HSD17B12: variants seen among roughly 807,000 people sequenced by gnomAD.
HSD17B12 encodes very-long-chain 3-oxoacyl-CoA reductase.
Under a neutral mutation model 39.3 loss-of-function variants are expected in HSD17B12, and 32 were observed. That is an observed-to-expected ratio of 0.81 (90% CI 0.61 to 1.09). The LOEUF (loss-of-function observed/expected upper bound fraction) is 1.09. HSD17B12 is among the 50% of genes least tolerant of loss of function. The pLI is 0.00. For missense variants in HSD17B12, 342 were observed against 382.9 expected (o/e 0.89, Z 0.89); for synonymous variants, 150 against 146.7 (o/e 1.02, Z -0.16).
chr11:43,608,092 G>A, the HSD17B12 span, among the ~76,000 whole-genome samples: 2 of 152,176 alleles, frequency 1.3e-5, no homozygotes, highest in African/African-American at 4.8e-5. Context: ...AATAAGGCCA[G>A]GTGCGGTGGC....
chr11:43,569,765 A>G, the HSD17B12 span: 1 of 152,658 alleles, frequency 6.6e-6, no homozygotes, highest in Non-Finnish European at 1.5e-5. Context: ...TGCTTGTTGT[A>G]GGAGCGTCAA....
chr11:43,598,491 T>C, the HSD17B12 span, among the ~76,000 whole-genome samples: 1 of 152,118 alleles, frequency 6.6e-6, no homozygotes, highest in Non-Finnish European at 1.5e-5. Context: ...TATGTGCCCA[T>C]AGGAAAGTAT....
chr11:43,751,248 G>A (rs1950462458), intron 2 of HSD17B12, among the ~76,000 whole-genome samples: 1 of 152,138 alleles, frequency 6.6e-6, no homozygotes, highest in South Asian at 2.1e-4. Flanking sequence ...AGTGTGTACA[G>A]TCTTCAGATT....
the HSD17B12 span, among the ~76,000 whole-genome samples, chr11:43,654,230 T>A: frequency 1.3e-5 from 2 of 152,236 alleles, no homozygotes; most frequent in African/African-American, 4.8e-5. Flanking sequence ...TCGGCCACTT[T>A]TTGATGGGGT....
the HSD17B12 span, among the ~76,000 whole-genome samples, chr11:43,599,159 C>T: frequency 3.9e-5 from 6 of 152,250 alleles, no homozygotes; most frequent in African/African-American, 1.2e-4. Flanking sequence ...GTTTCTGGAA[C>T]GATGTTCACC....
At chr11:43,704,479 TCTC>T (rs1166006713) in intron 1 of HSD17B12, among the ~76,000 whole-genome samples, 1 of 152,198 alleles carries the variant, frequency 6.6e-6, no homozygotes, top group Non-Finnish European at 1.5e-5. Flanking sequence ...TTCCACATGG[TCTC>T]CTCAGTACAG....
chr11:43,620,710 AG>A, the HSD17B12 span, among the ~76,000 whole-genome samples: 910 of 152,352 alleles, frequency 6.0e-3, 7 homozygotes, highest in African/African-American at 0.021. Context: ...TAAATCAGGC[AG>A]GATGGATGAC....
chr11:43,566,017 C>T, the HSD17B12 span, among the ~76,000 whole-genome samples: 1 of 129,556 alleles, frequency 7.7e-6, no homozygotes, highest in African/African-American at 2.8e-5. Flanking sequence ...CAGCCAGGGC[C>T]CAAAGAGGGG....
intron 3 of HSD17B12, among the ~76,000 whole-genome samples, chr11:43,789,788 T>C (rs1345544295): frequency 6.6e-6 from 1 of 152,042 alleles, no homozygotes; most frequent in South Asian, 2.1e-4. Context: ...CAAAATTAGA[T>C]GGGCATGGTG....
intron 9 of HSD17B12, among the ~76,000 whole-genome samples, chr11:43,844,641 C>T (rs565294942): frequency 1.3e-4 from 20 of 152,134 alleles, no homozygotes; most frequent in African/African-American, 4.3e-4. Context: ...TGGGCCCTAG[C>T]CCTGGGCTCC....
the HSD17B12 span, among the ~76,000 whole-genome samples, chr11:43,572,569 GT>G: frequency 6.6e-6 from 1 of 152,286 alleles, no homozygotes; most frequent in East Asian, 1.9e-4. Flanking sequence ...TAGACAAGCT[GT>G]TTAAACGTTA....
the HSD17B12 span, among the ~76,000 whole-genome samples, chr11:43,642,996 C>A: frequency 6.6e-6 from 1 of 152,076 alleles, no homozygotes; most frequent in Admixed American, 6.5e-5. Flanking sequence ...TAGGTTTTTG[C>A]ATGTGTATTA....
intron 1 of HSD17B12, among the ~76,000 whole-genome samples, chr11:43,686,250 C>T (rs1014220686): frequency 6.6e-6 from 1 of 152,132 alleles, no homozygotes; most frequent in African/African-American, 2.4e-5. Flanking sequence ...TTATGTTTTT[C>T]GCAGAGGCAG....
At chr11:43,621,188 A>T in the HSD17B12 span, among the ~76,000 whole-genome samples, 1 of 152,194 alleles carries the variant, frequency 6.6e-6, no homozygotes, top group Non-Finnish European at 1.5e-5. Context: ...AGCAACTGAC[A>T]TGCTTTTTCC....
the HSD17B12 span, among the ~76,000 whole-genome samples, chr11:43,648,920 C>T: frequency 4.6e-5 from 7 of 152,090 alleles, no homozygotes; most frequent in East Asian, 1.3e-3. Context: ...TTAGTAGATA[C>T]GGGGTTTCGC....
chr11:43,830,749 G>C (rs1386564752), intron 6 of HSD17B12: 1 of 338,144 alleles, frequency 3.0e-6, no homozygotes, highest in East Asian at 5.0e-5. Context: ...ATTTTAGCCA[G>C]GTTCATTAAA....
the HSD17B12 span, among the ~76,000 whole-genome samples, chr11:43,565,419 G>A: frequency 6.6e-6 from 1 of 152,302 alleles, no homozygotes; most frequent in Non-Finnish European, 1.5e-5. Context: ...TGTGATGTGA[G>A]CTATACAGCC....
intron 1 of HSD17B12, among the ~76,000 whole-genome samples, chr11:43,734,890 C>T (rs1035201514): frequency 1.3e-5 from 2 of 152,184 alleles, no homozygotes; most frequent in African/African-American, 4.8e-5. Flanking sequence ...ATTTCTACCA[C>T]CCCAAAAGGA....
In HSD17B12 at chr11:43,715,490, A is replaced by G. The variant is rs1182922997; in HGVS notation, c.160+34503A>G. Among the ~76,000 whole-genome samples the G allele has an allele frequency of 3.4e-4, 51 of 152,238 alleles. No homozygotes were observed. In the East Asian group the frequency reaches 3.9e-3, roughly 12 times the overall value. On this transcript the variant is annotated intron_variant, in intron 1 of 10. Coordinates refer to ENST00000278353, the MANE Select transcript of HSD17B12 (RefSeq NM_016142.3). ...GGGATGAAGCCCACTTGATCATGGT[A>G]GATAAGCTTTTTGATGTGCTGCTGG...
Sources: allele counts gnomAD v4.1 joint callset (sites outside exome capture counted in the v4.1 genomes callset), GRCh38; gene constraint gnomAD v4.1.1; transcripts MANE v1.5; gene names NCBI Gene and HGNC (gene_info 2026-07-23, HGNC 2026-07-21).